The following ABI1 variants were observed in gnomAD, a reference collection of about 807,000 sequenced individuals.
ABI1 encodes the protein Abelson interactor 1.
A neutral mutation model predicts 54.6 loss-of-function variants in ABI1; 14 were observed. That is an observed-to-expected ratio of 0.26 (90% CI 0.17 to 0.40). The LOEUF is 0.40. ABI1 is among the 10% of genes least tolerant of loss of function. The probability of loss-of-function intolerance (pLI) is 1.00; values close to 1 mark genes in which losing one functional copy is unlikely to be tolerated. For synonymous variants in ABI1, 194 were observed against 209.3 expected, an observed-to-expected ratio of 0.93 and a Z score of 0.63; for missense variants, 443 against 598.3, an observed-to-expected ratio of 0.74 and a Z score of 2.71.
intron 2 of ABI1, among the ~76,000 whole-genome samples, chr10:26,817,205 G>A (rs1397805976): frequency 1.3e-5 from 2 of 151,924 alleles, no homozygotes; most frequent in Non-Finnish European, 2.9e-5. Flanking sequence ...TCACCATGTT[G>A]GCCAGGCTGG....
At chr10:26,800,392 A>G (rs2046470518) in intron 2 of ABI1, among the ~76,000 whole-genome samples, 1 of 152,048 alleles carries the variant, frequency 6.6e-6, no homozygotes, top group African/African-American at 2.4e-5. Context: ...CTCAAAAACA[A>G]AAACAAAACT....
chr10:26,832,081 A>G (rs185882450), intron 1 of ABI1, among the ~76,000 whole-genome samples: 1 of 152,340 alleles, frequency 6.6e-6, no homozygotes, highest in African/African-American at 2.4e-5. Flanking sequence ...AATCCAGTTA[A>G]GCCACAAGGA....
At chr10:26,765,914 G>A (rs986846586) in intron 6 of ABI1, among the ~76,000 whole-genome samples, 4 of 151,960 alleles carry the variant, frequency 2.6e-5, no homozygotes, top group African/African-American at 9.7e-5. Context: ...CTTATAGTAC[G>A]AGTCAACAAT....
At chr10:26,804,405 T>C (rs1235289026) in intron 2 of ABI1, among the ~76,000 whole-genome samples, 1 of 148,054 alleles carries the variant, frequency 6.8e-6, no homozygotes, top group Non-Finnish European at 1.5e-5. Context: ...AAAATCACAA[T>C]GGATTGAGGC....
rs971723508 is a variant in ABI1, at chr10:26,818,880, C to G, written c.285+4258G>C. Reference sequence around the variant, plus strand: ...TGGCGGGCACCCATAATCCCAGCTACTCACTCGGGAGGCTGAGACAGAGAA... The same window carrying G: ...TGGCGGGCACCCATAATCCCAGCTAGTCACTCGGGAGGCTGAGACAGAGAA... On this transcript the variant is annotated intron_variant, in intron 2 of 10. Transcript: ENST00000376140. Among the ~76,000 whole-genome samples the G allele has an allele frequency of 7.9e-5, 12 of 152,134 alleles. No homozygotes were observed. In the South Asian group the frequency reaches 1.9e-3, roughly 24 times the overall value.
intron 9 of ABI1, among the ~76,000 whole-genome samples, chr10:26,754,614 C>T (rs1250404782): frequency 6.6e-6 from 1 of 152,098 alleles, no homozygotes; most frequent in Non-Finnish European, 1.5e-5. Flanking sequence ...AATAACACAA[C>T]AGGGTCAGCA....
chr10:26,748,777 G>A, intron 10 of ABI1, 32 bp from the exon 11 acceptor site: 1 of 1,507,212 alleles, frequency 6.6e-7, no homozygotes, highest in Non-Finnish European at 9.1e-7. Flanking sequence ...TATCACATGA[G>A]TGCACTATAT....
chr10:26,839,479 G>C (rs1047754782), intron 1 of ABI1, among the ~76,000 whole-genome samples: 1 of 151,810 alleles, frequency 6.6e-6, no homozygotes, highest in African/African-American at 2.4e-5. Context: ...CTGGGCGACA[G>C]AGCAGGACCC....
chr10:26,841,596 C>T (rs2049509087), intron 1 of ABI1, among the ~76,000 whole-genome samples: 2 of 152,118 alleles, frequency 1.3e-5, no homozygotes, highest in Admixed American at 6.6e-5. Flanking sequence ...CCATTCCCCA[C>T]CCACTTGCTC....
chr10:26,807,743 T>C (rs2046965192), intron 2 of ABI1, among the ~76,000 whole-genome samples: 1 of 152,204 alleles, frequency 6.6e-6, no homozygotes. Flanking sequence ...ACAAGCTATA[T>C]GCAGTTTCCT....
chr10:26,841,171 C>T (rs1028194398), intron 1 of ABI1, among the ~76,000 whole-genome samples: 1 of 152,138 alleles, frequency 6.6e-6, no homozygotes, highest in Non-Finnish European at 1.5e-5. Context: ...ACAGGAAACA[C>T]CTGCCCACTC....
intron 1 of ABI1, among the ~76,000 whole-genome samples, chr10:26,831,354 C>T (rs2048659908): frequency 6.6e-6 from 1 of 152,020 alleles, no homozygotes. Context: ...ACCAGACTGG[C>T]CAGCATGGTG....
chr10:26,816,440 T>A (rs567998743), intron 2 of ABI1, among the ~76,000 whole-genome samples: 1 of 152,246 alleles, frequency 6.6e-6, no homozygotes, highest in Admixed American at 6.5e-5. Flanking sequence ...ATGATACCCA[T>A]AAAAACTTTA....
intron 1 of ABI1, among the ~76,000 whole-genome samples, chr10:26,848,217 AAAAAAG>A (rs1168185567): frequency 6.7e-6 from 1 of 150,084 alleles, no homozygotes; most frequent in Admixed American, 6.7e-5. Flanking sequence ...AAAAAAAAAA[AAAAAAG>A]AAGAAGAAGA....
At chr10:26,815,563 A>G (rs1184814179) in intron 2 of ABI1, among the ~76,000 whole-genome samples, 1 of 152,244 alleles carries the variant, frequency 6.6e-6, no homozygotes, top group Non-Finnish European at 1.5e-5. Flanking sequence ...ATACGCATGA[A>G]TTTCAGTTAC....
In ABI1 at chr10:26,826,936, C is replaced by T. The variant is rs559165869; in HGVS notation, c.118-3631G>A. 4.0e-5 allele frequency among the ~76,000 whole-genome samples: 6 copies of T among 150,802 alleles called. No homozygotes were observed. The South Asian group carries it at 8.4e-4, about 21-fold the overall frequency. On this transcript the variant is annotated intron_variant, in intron 1 of 10. Coordinates refer to ENST00000376140, the MANE Select transcript of ABI1 (RefSeq NM_001012750.3). ...TTTTTTTTTTTTTTCTTTTTTGAGA[C>T]GGAGTCTCGCTCTGTTGCTCAGGCT...
At chr10:26,833,114 C>T (rs906478137) in intron 1 of ABI1, among the ~76,000 whole-genome samples, 1 of 152,174 alleles carries the variant, frequency 6.6e-6, no homozygotes, top group African/African-American at 2.4e-5. Context: ...TAAGCAACTA[C>T]TAAGAGGTCT....
intron 2 of ABI1, among the ~76,000 whole-genome samples, chr10:26,785,989 T>C (rs1220352172): frequency 6.6e-6 from 1 of 152,196 alleles, no homozygotes; most frequent in Non-Finnish European, 1.5e-5. Flanking sequence ...CCTATGTCTC[T>C]GGTCCAGAAG....
chr10:26,806,309 T>C (rs1223552570), intron 2 of ABI1, among the ~76,000 whole-genome samples: 1 of 152,236 alleles, frequency 6.6e-6, no homozygotes, highest in Admixed American at 6.5e-5. Flanking sequence ...ATTTGGAAAC[T>C]GAAAGTGAAG....
Sources: allele counts gnomAD v4.1 joint callset (sites outside exome capture counted in the v4.1 genomes callset), GRCh38; gene constraint gnomAD v4.1.1; transcripts MANE v1.5; gene names NCBI Gene and HGNC (gene_info 2026-07-23, HGNC 2026-07-21).